Variants in PEAK1 observed in about 807,000 individuals in gnomAD.
The protein encoded by PEAK1 is inactive tyrosine-protein kinase PEAK1.
A neutral mutation model predicts 124.7 loss-of-function variants in PEAK1; 54 were observed. The observed-to-expected ratio is 0.43, with a 90% CI of 0.35 to 0.54. The LOEUF (loss-of-function observed/expected upper bound fraction) is 0.54, where lower values mean the gene tolerates loss of function less well. Ranked by LOEUF, PEAK1 falls within the 20% of genes least tolerant of loss-of-function variation. The pLI is 0.01. For missense variants in PEAK1, 2,046 were observed against 2,134.5 expected, an observed-to-expected ratio of 0.96 and a Z score of 0.82; for synonymous variants, 719 against 760.0, an observed-to-expected ratio of 0.95 and a Z score of 0.89.
rs573589361 is a variant in PEAK1, at chr15:77,337,405, G to A, written c.-603+27758C>T. The A allele has an allele frequency of 2.6e-4, 242 of 948,754 alleles. 1 individual carries two copies. The highest frequency in any genetic ancestry group is 1.2e-4 in the Admixed American group (2 of 16,208). The allele number at this position is 948,754 out of a possible 1,614,324, so 58.8% of individuals were successfully genotyped here. Reference sequence around the variant, plus strand: ...TCATTGAAGATTATAATAATGTAAAGTAACTACATGATCAAACTAAGAATT... The same window carrying A: ...TCATTGAAGATTATAATAATGTAAAATAACTACATGATCAAACTAAGAATT... On this transcript the variant is annotated intron_variant, in intron 2 of 9. Coordinates refer to ENST00000682557, the MANE Select transcript of PEAK1 (RefSeq NM_001385026.1).
chr15:77,212,760 A>G (rs1218860134), intron 6 of PEAK1, among the ~76,000 whole-genome samples: 1 of 152,226 alleles, frequency 6.6e-6, no homozygotes, highest in Non-Finnish European at 1.5e-5. Flanking sequence ...GTCCTATGAA[A>G]AAGTCATAAA....
At chr15:77,170,065 A>G (rs1459606052) in intron 7 of PEAK1, among the ~76,000 whole-genome samples, 1 of 152,232 alleles carries the variant, frequency 6.6e-6, no homozygotes, top group East Asian at 1.9e-4. Context: ...ATGTTTAGCC[A>G]GGGGTTAGCT....
In PEAK1 at chr15:77,244,716, G is replaced by T. The variant is rs371326868; in HGVS notation, c.-115+7651C>A. On this transcript the variant is annotated intron_variant, in intron 6 of 9. Coordinates refer to ENST00000682557, the MANE Select transcript of PEAK1 (RefSeq NM_001385026.1). ...CAATTCTCATGCCTCAGCCTCCCAA[G>T]TAGCTGGAACTAAAGGCATGCACCA... Among the ~76,000 whole-genome samples the T allele has an allele frequency of 2.6e-5, 4 of 152,040 alleles. No homozygotes were observed. In the East Asian group the frequency reaches 5.8e-4, roughly 22 times the overall value.
chr15:77,349,859 G>A (rs1405373099), intron 2 of PEAK1: 4 of 985,276 alleles, frequency 4.1e-6, no homozygotes, highest in East Asian at 1.1e-4. Flanking sequence ...TTCAAGTGGA[G>A]AGGAGCCAAC....
At chr15:77,225,858 T>C (rs1399664547) in intron 6 of PEAK1, among the ~76,000 whole-genome samples, 4 of 146,532 alleles carry the variant, frequency 2.7e-5, no homozygotes, top group Non-Finnish European at 4.5e-5. Context: ...TGAGAAGATA[T>C]TGTGAATGTG....
intron 7 of PEAK1, among the ~76,000 whole-genome samples, chr15:77,176,255 T>C (rs1232114666): frequency 6.4e-5 from 2 of 31,092 alleles, no homozygotes; most frequent in Admixed American, 3.5e-4. Flanking sequence ...AGTATAATAA[T>C]AAGAAGAAAA....
At chr15:77,266,253 A>G (rs2061724338) in intron 5 of PEAK1, among the ~76,000 whole-genome samples, 1 of 152,092 alleles carries the variant, frequency 6.6e-6, no homozygotes, top group Admixed American at 6.6e-5. Context: ...AAAGTATAAT[A>G]ATAAAAAAAA....
chr15:77,386,055 A>G (rs2069905654), intron 1 of PEAK1, among the ~76,000 whole-genome samples: 2 of 152,188 alleles, frequency 1.3e-5, no homozygotes, highest in South Asian at 4.1e-4. Context: ...TAATGGAGCT[A>G]TTATAGGAGG....
chr15:77,231,068 CT>C (rs1298829457), intron 6 of PEAK1, among the ~76,000 whole-genome samples: 1 of 151,832 alleles, frequency 6.6e-6, no homozygotes, highest in African/African-American at 2.4e-5. Context: ...CTGATTTAAG[CT>C]GTCATAAAAA....
At chr15:77,404,609 A>G (rs188164398) in intron 1 of PEAK1, 1 of 920,056 alleles carries the variant, frequency 1.1e-6, no homozygotes, top group African/African-American at 1.8e-5. Flanking sequence ...CACTATTTCT[A>G]TTGGACAGCA....
chr15:77,347,153 A>G (rs1197674767), intron 2 of PEAK1: 2 of 894,344 alleles, frequency 2.2e-6, no homozygotes, highest in East Asian at 1.2e-4. Flanking sequence ...AAAGAAGGCC[A>G]GTGTAGCTGG....
intron 6 of PEAK1, among the ~76,000 whole-genome samples, chr15:77,191,101 T>C (rs1387806104): frequency 6.6e-6 from 1 of 152,222 alleles, no homozygotes; most frequent in Non-Finnish European, 1.5e-5. Flanking sequence ...AGGAGGTCTA[T>C]AAATTACCAA....
At chr15:77,221,651 C>T (rs1296012544) in intron 6 of PEAK1, among the ~76,000 whole-genome samples, 1 of 151,984 alleles carries the variant, frequency 6.6e-6, no homozygotes, top group African/African-American at 2.4e-5. Flanking sequence ...CCTAACTGGG[C>T]AAACATTTTA....
chr15:77,369,172 T>G (rs2068470430), intron 1 of PEAK1, among the ~76,000 whole-genome samples: 1 of 152,166 alleles, frequency 6.6e-6, no homozygotes, highest in Admixed American at 6.5e-5. Flanking sequence ...TCTCAGACAT[T>G]AAGGATACAA....
chr15:77,401,593 T>C (rs2071382783), intron 1 of PEAK1: 1 of 982,444 alleles, frequency 1.0e-6, no homozygotes, highest in Non-Finnish European at 1.2e-6. Flanking sequence ...TCAATTAAAC[T>C]CCCAAATCAG....
chr15:77,175,277 C>T (rs2056781974), intron 7 of PEAK1, among the ~76,000 whole-genome samples: 2 of 152,264 alleles, frequency 1.3e-5, no homozygotes, highest in Admixed American at 6.5e-5. Flanking sequence ...TAAAGAGCTT[C>T]TGCACAGCAA....
At position 77,295,431 on chromosome 15, in the gene PEAK1, C is replaced by G. The variant is rs112406516; in HGVS notation, c.-602-8927G>C. Among the ~76,000 whole-genome samples the G allele has an allele frequency of 3.4e-4, 51 of 152,222 alleles. 1 individual carries two copies. Among genetic ancestry groups the G allele is most frequent in the African/African-American group, 1.2e-3 (48 of 41,558 alleles). ...TTACTAGATTTGTGGACTACGGATG[C>G]TTTGAAGAACATGGTCTTTTCTCAA... On this transcript the variant is annotated intron_variant, in intron 2 of 9. Coordinates refer to ENST00000682557, the MANE Select transcript of PEAK1 (RefSeq NM_001385026.1).
chr15:77,151,622 TC>T (rs1358571181), intron 8 of PEAK1, among the ~76,000 whole-genome samples: 3 of 152,172 alleles, frequency 2.0e-5, no homozygotes, highest in Non-Finnish European at 4.4e-5. Context: ...TAGGTTTTCT[TC>T]TAGGGTTTTT....
intron 2 of PEAK1, among the ~76,000 whole-genome samples, chr15:77,322,385 G>A (rs1036725191): frequency 6.6e-6 from 1 of 152,114 alleles, no homozygotes; most frequent in African/African-American, 2.4e-5. Flanking sequence ...CCGCTAGCTA[G>A]ACTAATAAAG....
Sources: gnomAD v4.1 joint callset for allele counts (sites outside exome capture counted in the v4.1 genomes callset) on GRCh38, gnomAD v4.1.1 for gene constraint, MANE v1.5 for transcripts, NCBI Gene and HGNC (gene_info 2026-07-23, HGNC 2026-07-21) for gene names.